ASNS: variants seen among roughly 807,000 people sequenced by gnomAD.
The protein encoded by ASNS is asparagine synthetase (glutamine-hydrolyzing), also known as asparagine synthetase [glutamine-hydrolyzing].
A neutral mutation model predicts 62.6 loss-of-function variants in ASNS; 37 were observed. That is an observed-to-expected ratio of 0.59 (90% CI 0.45 to 0.78). The LOEUF (loss-of-function observed/expected upper bound fraction) is 0.78. Among genes scored for constraint, ASNS ranks in the 30% least tolerant of loss-of-function variants. The pLI is 0.00. For missense variants in ASNS, 520 were observed against 682.4 expected, an observed-to-expected ratio of 0.76 and a Z score of 2.65; for synonymous variants, 207 against 237.9, an observed-to-expected ratio of 0.87 and a Z score of 1.19.
the ASNS span, among the ~76,000 whole-genome samples, chr7:97,904,765 A>G: frequency 2.2e-4 from 33 of 152,274 alleles, no homozygotes; most frequent in Admixed American, 5.9e-4. Context: ...AATAGAATAG[A>G]ATATATACAT....
intron 1 of ASNS, chr7:97,871,598 C>A (rs1792264368): frequency 1.3e-5 from 2 of 152,506 alleles, no homozygotes. Flanking sequence ...GAAAACTGTC[C>A]TTTTTATTTA....
At chr7:97,904,192 C>G in the ASNS span, among the ~76,000 whole-genome samples, 1 of 151,512 alleles carries the variant, frequency 6.6e-6, no homozygotes, top group Non-Finnish European at 1.5e-5. Flanking sequence ...ATTTTATAAA[C>G]GAGTAAAAAT....
At chr7:97,894,480 CAAAAAA>C in the ASNS span, among the ~76,000 whole-genome samples, 58 of 36,470 alleles carry the variant, frequency 1.6e-3, no homozygotes, top group South Asian at 3.4e-3. Context: ...TGAGGCTAAC[CAAAAAA>C]AAAAAAAAAA....
chr7:97,926,652 A>G, the ASNS span, among the ~76,000 whole-genome samples: 1 of 152,258 alleles, frequency 6.6e-6, no homozygotes, highest in East Asian at 1.9e-4. Context: ...CCTCTTTTCA[A>G]GGGGCCGCCA....
At chr7:97,886,470 C>T in the ASNS span, among the ~76,000 whole-genome samples, 4 of 152,188 alleles carry the variant, frequency 2.6e-5, no homozygotes, top group Admixed American at 1.3e-4. Flanking sequence ...TATTTACCTG[C>T]TCCCTTCACC....
the ASNS span, chr7:97,898,533 A>G: frequency 2.8e-5 from 16 of 579,830 alleles, no homozygotes; most frequent in Middle Eastern, 3.0e-4. Context: ...AGCCTTTTCT[A>G]TATCTTTTCC....
At chr7:97,922,586 G>A in the ASNS span, among the ~76,000 whole-genome samples, 3 of 152,022 alleles carry the variant, frequency 2.0e-5, no homozygotes, top group African/African-American at 7.2e-5. Flanking sequence ...TTTTTTAAGT[G>A]TTCTCACCAT....
At chr7:97,896,711 T>TACACACACACACAC in the ASNS span, among the ~76,000 whole-genome samples, 2 of 44,264 alleles carry the variant, frequency 4.5e-5, no homozygotes, top group African/African-American at 1.2e-4. Context: ...TGTATATATA[T>TACACACACACACAC]ACACACACAC....
rs758889608 is a variant in ASNS at position 97,853,142 on chromosome 7, C to T, written c.1394G>A (p.Arg465Gln). 10 of 1,611,366 alleles carry T rather than the reference C, an allele frequency of 6.2e-6. No individual in the cohort carries two copies. The highest frequency in any genetic ancestry group is 7.6e-6 in the Non-Finnish European group (9 of 1,179,222). ...TCCATCACTGAAGGCTTCTTTTGGT[C>T]GCCAGAGAATCTCTTTGGGTATCAG... ...SNLIPKEILWRPKEAFSDGIT... is the reference protein window; with the variant it reads ...SNLIPKEILWQPKEAFSDGIT... The change falls in exon 12 of 13, where the codon CGA becomes CAA. Residue 465 changes from arginine (R) to glutamine (Q), a missense_variant. By Grantham distance (43) the Arg-to-Gln change is conservative. Transcript: ENST00000394308.
At chr7:97,890,930 CA>C in the ASNS span, among the ~76,000 whole-genome samples, 1 of 152,152 alleles carries the variant, frequency 6.6e-6, no homozygotes, top group Non-Finnish European at 1.5e-5. Context: ...ACTAGTAGTT[CA>C]GACACACAAA....
chr7:97,896,435 A>C, the ASNS span, among the ~76,000 whole-genome samples: 2 of 149,892 alleles, frequency 1.3e-5, no homozygotes, highest in African/African-American at 4.9e-5. Context: ...AAAAAAAAAA[A>C]AACAAAAAAT....
In ASNS at chr7:97,853,245, A is replaced by G. The variant is rs1159628496; in HGVS notation, c.1321-30T>C. ...CGTGACAAAAAAAGGAGCATCAGGTAAAAATTACAAATATAATCTGATGGC... is the reference window on the plus strand; with the variant it reads ...CGTGACAAAAAAAGGAGCATCAGGTGAAAATTACAAATATAATCTGATGGC... On this transcript the variant is annotated intron_variant, in intron 11 of 12. Coordinates refer to ENST00000394308, the MANE Select transcript of ASNS (RefSeq NM_001673.5). The G allele has an allele frequency of 1.9e-6, 3 of 1,607,448 alleles. No homozygotes were observed. In the African/African-American group the frequency reaches 4.0e-5, roughly 22 times the overall value.
the ASNS span, among the ~76,000 whole-genome samples, chr7:97,888,360 C>T: frequency 6.6e-6 from 1 of 150,428 alleles, no homozygotes; most frequent in Non-Finnish European, 1.5e-5. Flanking sequence ...AAAGTTGGCC[C>T]AGCCCCAGGG....
chr7:97,888,157 A>G, the ASNS span, among the ~76,000 whole-genome samples: 7 of 151,302 alleles, frequency 4.6e-5, no homozygotes, highest in South Asian at 2.1e-4. Flanking sequence ...TATTCTTTGC[A>G]GAGAGAGGGT....
chr7:97,866,973 T>G (rs1792003715), intron 3 of ASNS, among the ~76,000 whole-genome samples: 1 of 152,248 alleles, frequency 6.6e-6, no homozygotes, highest in Admixed American at 6.5e-5. Flanking sequence ...GCTTCCCAAA[T>G]CTACCTTACC....
chr7:97,887,964 C>T, the ASNS span, among the ~76,000 whole-genome samples: 22 of 152,338 alleles, frequency 1.4e-4, no homozygotes, highest in East Asian at 4.1e-3. Context: ...CTCCAACCCG[C>T]CCCAACCAAC....
At chr7:97,886,726 C>T in the ASNS span, among the ~76,000 whole-genome samples, 2 of 152,074 alleles carry the variant, frequency 1.3e-5, no homozygotes, top group African/African-American at 4.8e-5. Context: ...ATCTTCTACT[C>T]TGGAGGCTAA....
At chr7:97,861,976 G>A (rs1469497806) in intron 4 of ASNS, among the ~76,000 whole-genome samples, 4 of 152,022 alleles carry the variant, frequency 2.6e-5, no homozygotes, top group Non-Finnish European at 4.4e-5. Context: ...TAAGTATGTA[G>A]TATTCAGTTA....
At chr7:97,852,981 C>T (rs1791255402) in intron 12 of ASNS, 79 bp downstream of exon 12, 1 of 1,369,202 alleles carries the variant, frequency 7.3e-7, no homozygotes, top group African/African-American at 1.5e-5. Flanking sequence ...ATCATTCAAA[C>T]TAAATACAAA....
Sources: allele counts gnomAD v4.1 joint callset (sites outside exome capture counted in the v4.1 genomes callset), GRCh38; gene constraint gnomAD v4.1.1; transcripts MANE v1.5; gene names NCBI Gene and HGNC (gene_info 2026-07-23, HGNC 2026-07-21).